The following ITPKB variants were observed in gnomAD, a reference collection of about 807,000 sequenced individuals.
ITPKB encodes the protein inositol-trisphosphate 3-kinase B, also known as IP3 3-kinase B.
A neutral mutation model predicts 69.4 loss-of-function variants in ITPKB; 13 were observed. The ratio of observed to expected loss-of-function variants is 0.19; its 90% CI spans 0.12 to 0.30. The LOEUF is 0.30. ITPKB is among the 10% of genes least tolerant of loss of function. The pLI is 1.00. For synonymous variants in ITPKB, 584 were observed against 513.7 expected, an observed-to-expected ratio of 1.14 and a Z score of -1.85; for missense variants, 1,240 against 1,250.5, an observed-to-expected ratio of 0.99 and a Z score of 0.13.
intron 2 of ITPKB, among the ~76,000 whole-genome samples, chr1:226,726,116 CAT>C (rs1657403710): frequency 6.6e-6 from 1 of 152,174 alleles, no homozygotes; most frequent in East Asian, 1.9e-4. Context: ...ACAAAGACCA[CAT>C]GAGGTAGGAA....
In ITPKB at chr1:226,634,772, C is replaced by T. The variant is rs148881608; in HGVS notation, c.2740G>A (p.Val914Ile). 4.4e-4 allele frequency: 649 copies of T among 1,486,696 alleles called. No individual in the cohort carries two copies. Among genetic ancestry groups the T allele is most frequent in the Non-Finnish European group, 5.2e-4 (557 of 1,063,684 alleles). 92.1% of individuals were successfully genotyped at this position (1,486,696 alleles called of 1,614,324 possible). The change falls in exon 8 of 8, where the codon GTC (valine) becomes ATC (isoleucine). Residue 914 changes from valine to isoleucine, a missense_variant. Val to Ile is a conservative substitution (Grantham distance 29). Transcript: ENST00000429204. This position sits in a 1 kb window ranked among gnomAD's most constrained non-coding sequence, Gnocchi z 6.3. ...TCCCGGTTCCCCTCCTGCCAGGGGA[C>T]GTCATGCTGCAGGGTCTGGCCCTCA... is the stretch of plus-strand genomic sequence containing the variant. ...LPEGQTLQHD[V>I]PWQEGNREDG... is the part of the protein sequence containing the mutation.
chr1:226,704,213 T>C (rs1358087799), intron 2 of ITPKB, among the ~76,000 whole-genome samples: 1 of 152,168 alleles, frequency 6.6e-6, no homozygotes, highest in East Asian at 1.9e-4. Context: ...AATATAAACA[T>C]TAATAGTACA....
chr1:226,667,207 C>A (rs534864204), intron 2 of ITPKB, among the ~76,000 whole-genome samples: 5 of 152,280 alleles, frequency 3.3e-5, no homozygotes, highest in African/African-American at 1.2e-4. Context: ...AGTGTTACCC[C>A]CACTAGAGTG....
At chr1:226,670,908 G>A (rs766322635) in intron 2 of ITPKB, among the ~76,000 whole-genome samples, 20 of 152,040 alleles carry the variant, frequency 1.3e-4, no homozygotes, top group South Asian at 8.3e-4. Context: ...TTTTATTTTC[G>A]AAATTTCTGT....
chr1:226,718,062 G>A (rs529441159), intron 2 of ITPKB, among the ~76,000 whole-genome samples: 1 of 152,172 alleles, frequency 6.6e-6, no homozygotes, highest in East Asian at 1.9e-4. Flanking sequence ...TTGGGAGGCC[G>A]AGGCAGGCGG....
intron 2 of ITPKB, among the ~76,000 whole-genome samples, chr1:226,699,963 G>A (rs1383726634): frequency 6.6e-6 from 1 of 152,176 alleles, no homozygotes; most frequent in Non-Finnish European, 1.5e-5. Flanking sequence ...TGATGTTCAA[G>A]GGCAGGAAGG....
chr1:226,737,378 C>G lies in ITPKB; in HGVS notation c.81G>C (p.Gly27=). ...GCGGGGGCGTCTCGCTGCCACTGGG[C>G]CCCGGGCCGCCGCCGCTCTTCATCT... ...ANEMKSGGGP[G]PSGSETPPPP... Residue 27 remains glycine, a synonymous_variant, in exon 2 of 8, where the codon GGG becomes GGC. Coordinates refer to ENST00000429204, the MANE Select transcript of ITPKB (RefSeq NM_002221.4). 3 of 1,609,268 alleles carry G rather than the reference C, an allele frequency of 1.9e-6. No homozygotes were observed. Among genetic ancestry groups the G allele is most frequent in the Non-Finnish European group, 2.5e-6 (3 of 1,179,272 alleles).
chr1:226,656,087 A>G (rs920766090), intron 2 of ITPKB, among the ~76,000 whole-genome samples: 8 of 151,980 alleles, frequency 5.3e-5, no homozygotes, highest in Non-Finnish European at 2.9e-5. Context: ...GACTTAGCTA[A>G]CTCCTGTGTG....
chr1:226,736,795 C>G lies in ITPKB; in HGVS notation c.664G>C (p.Gly222Arg), dbSNP rs936688875. ...TSGTDSGRKGGPSLCSSQVKK... is the reference protein window; with the variant it reads ...TSGTDSGRKGRPSLCSSQVKK... The stretch of plus-strand genomic sequence containing the variant: ...ACCTGCGAGGAGCATAGGCTGGGCC[C>G]TCCTTTCCTCCCGGAGTCGGTTCCT... Residue 222 changes from glycine (G) to arginine (R), a missense_variant, in exon 2 of 8, where the codon GGG (glycine) becomes CGG (arginine). This residue lies in a region of ITPKB where 992 missense variants were observed against 853.8 expected (regional missense o/e 1.16). Transcript: ENST00000429204. The G allele has an allele frequency of 3.1e-6, 5 of 1,613,092 alleles. No individual in the cohort carries two copies. In the African/African-American group the frequency reaches 4.0e-5, roughly 13 times the overall value.
chr1:226,712,632 A>G (rs993382733), intron 2 of ITPKB, among the ~76,000 whole-genome samples: 1 of 151,906 alleles, frequency 6.6e-6, no homozygotes, highest in Non-Finnish European at 1.5e-5. Context: ...CTAGCCCTGC[A>G]CTCCCTGGAC....
intron 2 of ITPKB, among the ~76,000 whole-genome samples, chr1:226,724,783 A>G (rs533127819): frequency 3.9e-5 from 6 of 152,318 alleles, no homozygotes; most frequent in East Asian, 3.9e-4. Flanking sequence ...CTTCTGGTCA[A>G]TCGGGGTCCT....
chr1:226,695,032 C>A (rs1183904065), intron 2 of ITPKB, among the ~76,000 whole-genome samples: 2 of 152,194 alleles, frequency 1.3e-5, no homozygotes, highest in Non-Finnish European at 2.9e-5. Flanking sequence ...GAGTTTGAGA[C>A]CAGCCTGGGC....
chr1:226,711,405 AAGAGAGAGAGAG>A (rs59479705), intron 2 of ITPKB, among the ~76,000 whole-genome samples: 29 of 129,878 alleles, frequency 2.2e-4, no homozygotes, highest in Admixed American at 7.7e-4. Context: ...GGTGTTTTGA[AAGAGAGAGAGAG>A]AGAGAGAGAG....
chr1:226,730,215 G>A (rs958144633), intron 2 of ITPKB, among the ~76,000 whole-genome samples: 3 of 152,178 alleles, frequency 2.0e-5, no homozygotes, highest in African/African-American at 7.2e-5. Flanking sequence ...GGGTCTGAAG[G>A]AGATGCTGAT....
At chr1:226,644,886 G>A (rs1236384515) in intron 4 of ITPKB, among the ~76,000 whole-genome samples, 1 of 152,212 alleles carries the variant, frequency 6.6e-6, no homozygotes, top group African/African-American at 2.4e-5. Flanking sequence ...GAACGCATTT[G>A]GGGGAAGGCA....
At chr1:226,638,059 A>G (rs1005648901) in intron 6 of ITPKB, among the ~76,000 whole-genome samples, 1 of 152,196 alleles carries the variant, frequency 6.6e-6, no homozygotes, top group Non-Finnish European at 1.5e-5. Flanking sequence ...CTTCCCCAGA[A>G]GCCAGCTCTG....
intron 5 of ITPKB, among the ~76,000 whole-genome samples, chr1:226,639,953 A>AGCAT (rs1249732771): frequency 4.6e-5 from 7 of 152,114 alleles, no homozygotes; most frequent in African/African-American, 1.7e-4. Context: ...AGGATGGAGG[A>AGCAT]GCATGACCCG....
At chr1:226,666,884 G>C (rs1162183851) in intron 2 of ITPKB, among the ~76,000 whole-genome samples, 2 of 152,076 alleles carry the variant, frequency 1.3e-5, no homozygotes, top group Admixed American at 1.3e-4. Context: ...GGACTCTCAA[G>C]GGCTCTCGCC....
chr1:226,730,769 C>T (rs1657567288), intron 2 of ITPKB, among the ~76,000 whole-genome samples: 1 of 152,262 alleles, frequency 6.6e-6, no homozygotes, highest in South Asian at 2.1e-4. Context: ...GTTGTCAATA[C>T]TCCTAGGAAT....
Sources: gnomAD v4.1 joint callset for allele counts (sites outside exome capture counted in the v4.1 genomes callset) on GRCh38, gnomAD v4.1.1 for gene constraint, gnomAD v4.1.1 regional missense constraint, Gnocchi (gnomAD v3.1) non-coding constraint, MANE v1.5 for transcripts, NCBI Gene and HGNC (gene_info 2026-07-23, HGNC 2026-07-21) for gene names.